Variants in NEBL observed in about 807,000 individuals in gnomAD.
NEBL encodes the protein nebulette.
A neutral mutation model predicts 140.2 loss-of-function variants in NEBL; 122 were observed. The observed-to-expected ratio is 0.87, with a 90% CI of 0.75 to 1.01. The LOEUF (loss-of-function observed/expected upper bound fraction) is 1.01. NEBL is among the 50% of genes least tolerant of loss of function. NEBL has a pLI of 0.00. For synonymous variants in NEBL, 436 were observed against 398.9 expected (o/e 1.09, Z -1.11); for missense variants, 1,365 against 1,231.3 (o/e 1.11, Z -1.62).
chr10:20,900,911 C>T (rs1847843648), upstream of NEBL, among the ~76,000 whole-genome samples: 1 of 146,764 alleles, frequency 6.8e-6, no homozygotes, highest in African/African-American at 2.5e-5. Context: ...CTCAGCTACT[C>T]AGGAGGCCGA....
intron 2 of NEBL, among the ~76,000 whole-genome samples, chr10:21,090,019 G>A (rs190483657): frequency 6.6e-6 from 1 of 152,114 alleles, no homozygotes; most frequent in Non-Finnish European, 1.5e-5. Flanking sequence ...CCAGATCTCT[G>A]CCCCAAGTCC....
chr10:20,925,187 T>C (rs1177310285), intron 4 of NEBL, among the ~76,000 whole-genome samples: 2 of 152,164 alleles, frequency 1.3e-5, no homozygotes, highest in Admixed American at 6.5e-5. Context: ...TACTCAAACA[T>C]ATACATGCAT....
At chr10:21,067,397 T>C (rs951124083) in intron 2 of NEBL, among the ~76,000 whole-genome samples, 8 of 152,114 alleles carry the variant, frequency 5.3e-5, no homozygotes, top group African/African-American at 1.9e-4. Flanking sequence ...AGAGAAACTT[T>C]TAAAAAGGAA....
intron 4 of NEBL, among the ~76,000 whole-genome samples, chr10:20,942,372 A>T (rs1834919620): frequency 6.6e-6 from 1 of 152,186 alleles, no homozygotes; most frequent in Non-Finnish European, 1.5e-5. Flanking sequence ...GTGCTGGGAA[A>T]ACTGGCTAGC....
intron 2 of NEBL, among the ~76,000 whole-genome samples, chr10:21,145,936 A>T (rs1421243770): frequency 1.3e-5 from 2 of 152,186 alleles, no homozygotes; most frequent in African/African-American, 4.8e-5. Context: ...CCCATTGGGC[A>T]TCTAACAACA....
chr10:21,227,759 C>T (rs1389046057), intron 3 of NEBL, among the ~76,000 whole-genome samples: 1 of 141,080 alleles, frequency 7.1e-6, no homozygotes, highest in Non-Finnish European at 1.5e-5. Context: ...TCTTCTTCTT[C>T]TTCTTCTTCT....
At chr10:20,823,346 G>C (rs1325099516) in intron 18 of NEBL, 46 bp from the exon 19 acceptor site, 2 of 1,362,140 alleles carry the variant, frequency 1.5e-6, no homozygotes, top group Non-Finnish European at 2.1e-6. Flanking sequence ...TCTATGCAAG[G>C]CTTTAAAATA....
At chr10:21,085,273 T>C (rs189665068) in intron 2 of NEBL, among the ~76,000 whole-genome samples, 21 of 152,334 alleles carry the variant, frequency 1.4e-4, no homozygotes, top group African/African-American at 4.8e-4. Context: ...TTTCTTCTCA[T>C]TGTTTTAGAG....
chr10:21,183,770 C>A (rs1276974100), intron 3 of NEBL, among the ~76,000 whole-genome samples: 1 of 152,024 alleles, frequency 6.6e-6, no homozygotes, highest in East Asian at 1.9e-4. Flanking sequence ...GTGTCGCCAC[C>A]CAAATCTCAT....
At chr10:21,040,337 C>CAAAAAAA (rs61477654) in intron 2 of NEBL, among the ~76,000 whole-genome samples, 1 of 151,360 alleles carries the variant, frequency 6.6e-6, no homozygotes. Flanking sequence ...AGACTCCATT[C>CAAAAAAA]AAAAAAAAAA....
chr10:21,147,269 C>T (rs1428336653), intron 2 of NEBL, among the ~76,000 whole-genome samples: 3 of 152,128 alleles, frequency 2.0e-5, no homozygotes, highest in Non-Finnish European at 4.4e-5. Flanking sequence ...GCACGTTAGC[C>T]ATTTTCACCT....
At chr10:20,886,204 T>C (rs778309668) in intron 4 of NEBL, among the ~76,000 whole-genome samples, 1 of 152,106 alleles carries the variant, frequency 6.6e-6, no homozygotes, top group Non-Finnish European at 1.5e-5. Context: ...TTAATAAGAT[T>C]ATCTAGGTAT....
intron 3 of NEBL, among the ~76,000 whole-genome samples, chr10:21,202,570 C>G (rs1252140030): frequency 6.8e-6 from 1 of 147,248 alleles, no homozygotes; most frequent in African/African-American, 2.5e-5. Context: ...TGACGCCATT[C>G]TCCTGCCTCA....
At chr10:21,104,467 C>G (rs1204398689) in intron 2 of NEBL, among the ~76,000 whole-genome samples, 1 of 152,114 alleles carries the variant, frequency 6.6e-6, no homozygotes, top group Non-Finnish European at 1.5e-5. Flanking sequence ...AAATTTATCC[C>G]CAGTATTTCA....
intron 4 of NEBL, among the ~76,000 whole-genome samples, chr10:20,941,969 C>T (rs1834893884): frequency 6.6e-6 from 1 of 152,130 alleles, no homozygotes; most frequent in Non-Finnish European, 1.5e-5. Context: ...ACATTCCATG[C>T]TCATGGGTAG....
chr10:20,976,349 A>AG (rs1479174023), intron 3 of NEBL, among the ~76,000 whole-genome samples: 1 of 151,960 alleles, frequency 6.6e-6, no homozygotes, highest in Non-Finnish European at 1.5e-5. Flanking sequence ...AAAAAAAAAA[A>AG]AAAAAGTTTG....
chr10:20,788,439 T>G (rs1835626523), intron 26 of NEBL, among the ~76,000 whole-genome samples: 1 of 152,174 alleles, frequency 6.6e-6, no homozygotes, highest in Non-Finnish European at 1.5e-5. Context: ...AATTAATATT[T>G]TATAAGTAGA....
chr10:20,981,622 A>G (rs1430990266), intron 3 of NEBL, among the ~76,000 whole-genome samples: 1 of 152,090 alleles, frequency 6.6e-6, no homozygotes, highest in African/African-American at 2.4e-5. Context: ...TCAGAGTATC[A>G]TACTTCCCTA....
rs548671032 is a variant in NEBL, at chr10:20,888,156, G to A, written c.310C>T (p.Arg104Trp). Residue 104 changes from arginine (R) to tryptophan (W), a missense_variant, in exon 4 of 28, where the codon CGG becomes TGG. Around this residue, in one of 2 missense-constraint regions of NEBL, gnomAD observed 1,323 missense variants for 1,154.8 expected, o/e 1.15. Coordinates refer to ENST00000377122, the MANE Select transcript of NEBL (RefSeq NM_006393.3). ...ACACTGTCAATTGTGGCTGGCATCCGCTTATAAAGAGAATTAGAAAGGTCA... is the reference window on the plus strand; with the variant it reads ...ACACTGTCAATTGTGGCTGGCATCCACTTATAAAGAGAATTAGAAAGGTCA... Reference protein sequence around the residue: ...KADLSNSLYKRMPATIDSVFA... With the variant: ...KADLSNSLYKWMPATIDSVFA... The A allele has an allele frequency of 5.4e-5, 87 of 1,613,736 alleles. 1 individual carries two copies. In the South Asian group the frequency reaches 5.5e-4, roughly 10 times the overall value.
Sources: allele counts gnomAD v4.1 joint callset (sites outside exome capture counted in the v4.1 genomes callset), GRCh38; gene constraint gnomAD v4.1.1; regional missense constraint gnomAD v4.1.1; transcripts MANE v1.5; gene names NCBI Gene and HGNC (gene_info 2026-07-23, HGNC 2026-07-21).